Variants in CLSTN2 observed in about 807,000 individuals in gnomAD.
CLSTN2 encodes the protein calsyntenin-2.
In CLSTN2, 48 loss-of-function variants were observed where a neutral mutation model predicts 101.2. That is an observed-to-expected ratio of 0.47 (90% CI 0.38 to 0.60). The LOEUF (loss-of-function observed/expected upper bound fraction) is 0.60. Among genes scored for constraint, CLSTN2 ranks in the 20% least tolerant of loss-of-function variants. The probability of loss-of-function intolerance (pLI) is 0.00; values close to 1 mark genes in which losing one functional copy is unlikely to be tolerated. For missense variants in CLSTN2, 1,160 were observed against 1,238.2 expected (o/e 0.94, Z 0.95); for synonymous variants, 481 against 463.6 (o/e 1.04, Z -0.48).
chr3:140,431,644 C>T (rs1244800389), intron 5 of CLSTN2, among the ~76,000 whole-genome samples: 1 of 152,186 alleles, frequency 6.6e-6, no homozygotes, highest in East Asian at 1.9e-4. Flanking sequence ...CATTCTTCCT[C>T]TGGTTCCTTC....
Position 140,567,448 on chromosome 3 carries a change from G to C in CLSTN2, c.*1195G>C, listed in dbSNP as rs528435146. On this transcript the variant is annotated 3_prime_UTR_variant, in exon 17 of 17. Coordinates refer to ENST00000458420, the MANE Select transcript of CLSTN2 (RefSeq NM_022131.3). ...TTCTTTCTTCTGCTCATAAAAGGAG[G>C]AACACTTTAGATAGAGGGCAAATAT... 3.9e-4 allele frequency: 59 copies of C among 152,306 alleles called. No individual in the cohort carries two copies. Among genetic ancestry groups the C allele is most frequent in the African/African-American group, 1.4e-3 (57 of 41,572 alleles). The allele number at this position is 152,306 out of a possible 1,614,324, so 9.4% of individuals were successfully genotyped here.
At chr3:140,269,675 G>A (rs1329908221) in intron 2 of CLSTN2, among the ~76,000 whole-genome samples, 1 of 152,138 alleles carries the variant, frequency 6.6e-6, no homozygotes, top group Non-Finnish European at 1.5e-5. Flanking sequence ...GAACCGATGG[G>A]GGACCACATT....
intron 1 of CLSTN2, among the ~76,000 whole-genome samples, chr3:139,965,505 G>A (rs571289211): frequency 2.0e-5 from 3 of 152,284 alleles, no homozygotes; most frequent in Admixed American, 6.5e-5. Context: ...CCCTTCTGGC[G>A]AGTACTGAGG....
chr3:140,570,824 T>TG lies in CLSTN2; in HGVS notation c.*4573dup, dbSNP rs1251513226. The stretch of plus-strand genomic sequence containing the variant: ...GTTTGGCAACCCGTACCATACACCA[T>TG]GGAAGTTAGCCTTCCACCTCAGGAG... On this transcript the variant is annotated 3_prime_UTR_variant, in exon 17 of 17. Transcript: ENST00000458420. The TG allele has an allele frequency of 6.6e-6, 1 of 152,224 alleles. No individual in the cohort carries two copies. The highest frequency in any genetic ancestry group is 1.5e-5 in the Non-Finnish European group (1 of 68,038). The allele number at this position is 152,224 out of a possible 1,614,324, so 9.4% of individuals were successfully genotyped here.
intron 1 of CLSTN2, among the ~76,000 whole-genome samples, chr3:140,160,582 T>C (rs2010029184): frequency 6.6e-6 from 1 of 152,186 alleles, no homozygotes; most frequent in Non-Finnish European, 1.5e-5. Flanking sequence ...CAGTGTTTAC[T>C]GTCTGCCGAT....
intron 1 of CLSTN2, among the ~76,000 whole-genome samples, chr3:140,118,683 G>A (rs2009286305): frequency 6.6e-6 from 1 of 152,086 alleles, no homozygotes; most frequent in East Asian, 1.9e-4. Context: ...TAGGTGGGGG[G>A]CCCAGTCCAA....
At chr3:139,943,206 A>G (rs573205902) in intron 1 of CLSTN2, among the ~76,000 whole-genome samples, 1 of 152,296 alleles carries the variant, frequency 6.6e-6, no homozygotes, top group South Asian at 2.1e-4. Flanking sequence ...TTGTCTCTCC[A>G]CAAATATCAC....
At chr3:140,014,671 C>T (rs896464460) in intron 1 of CLSTN2, among the ~76,000 whole-genome samples, 2 of 152,082 alleles carry the variant, frequency 1.3e-5, no homozygotes, top group African/African-American at 2.4e-5. Context: ...GGCCTGTGCC[C>T]AGCGTGTCTG....
chr3:140,272,719 T>C (rs916732736), intron 2 of CLSTN2, among the ~76,000 whole-genome samples: 3 of 152,196 alleles, frequency 2.0e-5, no homozygotes, highest in African/African-American at 7.2e-5. Flanking sequence ...GCCACTGCTC[T>C]CCAGCGTGGG....
At chr3:140,240,305 T>C (rs56370003) in intron 2 of CLSTN2, among the ~76,000 whole-genome samples, 137,255 of 143,266 alleles carry the variant, frequency 0.96, 66,008 homozygotes, top group East Asian at 1. Context: ...TATATATATA[T>C]ACACACACAC....
rs116176891 is a variant in CLSTN2 at position 140,313,164 on chromosome 3, C to T, written c.233-90465C>T. Among the ~76,000 whole-genome samples the T allele has an allele frequency of 6.7e-3, 1,014 of 152,158 alleles. 10 individuals are homozygous for T. Among genetic ancestry groups the T allele is most frequent in the African/African-American group, 0.023 (945 of 41,526 alleles). The stretch of plus-strand genomic sequence containing the variant: ...CCTATTTTGGTAGAAAAGTCCCCCC[C>T]AAAAAAACCATCAGTGGAACAAATT... On this transcript the variant is annotated intron_variant, in intron 2 of 16. Transcript: ENST00000458420.
intron 2 of CLSTN2, among the ~76,000 whole-genome samples, chr3:140,177,130 A>G (rs1044951190): frequency 4.6e-5 from 7 of 152,216 alleles, no homozygotes; most frequent in African/African-American, 1.7e-4. Context: ...GCAAAGAGTG[A>G]GGGAGATACT....
intron 6 of CLSTN2, among the ~76,000 whole-genome samples, chr3:140,455,880 G>A (rs1933385675): frequency 6.6e-6 from 1 of 152,238 alleles, no homozygotes; most frequent in Non-Finnish European, 1.5e-5. Context: ...GCAGCTTGAT[G>A]GTTTCTGGCA....
intron 1 of CLSTN2, among the ~76,000 whole-genome samples, chr3:140,041,688 C>G (rs770687407): frequency 2.6e-5 from 4 of 152,166 alleles, no homozygotes; most frequent in African/African-American, 9.7e-5. Flanking sequence ...GTGTTGGTCT[C>G]CTTTCCGGGC....
chr3:140,294,601 CA>C, intron 2 of CLSTN2, among the ~76,000 whole-genome samples: 1 of 151,880 alleles, frequency 6.6e-6, no homozygotes, highest in Non-Finnish European at 1.5e-5. Flanking sequence ...ACAGAAACTC[CA>C]TGAGCCTAGG....
At chr3:140,191,728 G>A (rs908901349) in intron 2 of CLSTN2, among the ~76,000 whole-genome samples, 1 of 151,874 alleles carries the variant, frequency 6.6e-6, no homozygotes, top group East Asian at 1.9e-4. Context: ...TGCAGGATCT[G>A]TAATATCTGC....
At chr3:140,315,504 G>A (rs1033704357) in intron 2 of CLSTN2, among the ~76,000 whole-genome samples, 57 of 152,204 alleles carry the variant, frequency 3.7e-4, no homozygotes, top group African/African-American at 1.4e-3. Flanking sequence ...TTATGAAAAT[G>A]TTTATTTGTT....
intron 8 of CLSTN2, chr3:140,508,344 T>C (rs1424401508): frequency 6.6e-6 from 1 of 152,202 alleles, no homozygotes; most frequent in Non-Finnish European, 1.5e-5. Flanking sequence ...ATTCTCCTTT[T>C]CTACAGGAAT....
At chr3:140,327,213 G>A (rs2087340924) in intron 2 of CLSTN2, among the ~76,000 whole-genome samples, 1 of 152,192 alleles carries the variant, frequency 6.6e-6, no homozygotes, top group Non-Finnish European at 1.5e-5. Flanking sequence ...CATTAGAATT[G>A]AAGCTAGGCT....
Sources: allele counts gnomAD v4.1 joint callset (sites outside exome capture counted in the v4.1 genomes callset), GRCh38; gene constraint gnomAD v4.1.1; transcripts MANE v1.5; gene names NCBI Gene and HGNC (gene_info 2026-07-23, HGNC 2026-07-21).